Variants in CDC42BPA observed in about 807,000 individuals in gnomAD.
The protein encoded by CDC42BPA is serine/threonine-protein kinase MRCK alpha.
A neutral mutation model predicts 223.5 loss-of-function variants in CDC42BPA; 80 were observed. The ratio of observed to expected loss-of-function variants is 0.36; its 90% CI spans 0.30 to 0.43. The LOEUF (loss-of-function observed/expected upper bound fraction) is 0.43. Among genes scored for constraint, CDC42BPA ranks in the 20% least tolerant of loss-of-function variants. The pLI is 1.00. For synonymous variants in CDC42BPA, 694 were observed against 718.6 expected, an observed-to-expected ratio of 0.97 and a Z score of 0.55; for missense variants, 1,743 against 2,099.9, an observed-to-expected ratio of 0.83 and a Z score of 3.32.
intron 21 of CDC42BPA, among the ~76,000 whole-genome samples, chr1:227,058,429 C>T (rs1014950885): frequency 2.6e-5 from 4 of 152,148 alleles, no homozygotes; most frequent in African/African-American, 7.2e-5. Context: ...TCTAAGAATT[C>T]GGAATGTAAA....
chr1:227,299,661 G>T (rs796928414), intron 1 of CDC42BPA, among the ~76,000 whole-genome samples: 7 of 151,992 alleles, frequency 4.6e-5, no homozygotes, highest in Middle Eastern at 3.2e-3. Flanking sequence ...TTATGGCTTT[G>T]CTACTATTTT....
intron 34 of CDC42BPA, among the ~76,000 whole-genome samples, chr1:227,007,944 T>C (rs540924121): frequency 3.7e-4 from 56 of 152,206 alleles, no homozygotes; most frequent in Non-Finnish European, 5.9e-4. Context: ...GGGAACACTG[T>C]TGGTAGGCAC....
intron 20 of CDC42BPA, among the ~76,000 whole-genome samples, chr1:227,071,479 G>A (rs74140278): frequency 0.058 from 8,798 of 151,736 alleles, 841 homozygotes; most frequent in African/African-American, 0.2. Context: ...ATGTAATACA[G>A]CTATGAAGCA....
At chr1:227,201,651 A>G (rs758119008) in intron 3 of CDC42BPA, among the ~76,000 whole-genome samples, 3 of 145,638 alleles carry the variant, frequency 2.1e-5, no homozygotes, top group Non-Finnish European at 4.6e-5. Flanking sequence ...CTGTGTCTAT[A>G]TAAGCATGCA....
chr1:227,073,196 T>C (rs1678779680), intron 19 of CDC42BPA, among the ~76,000 whole-genome samples: 2 of 152,150 alleles, frequency 1.3e-5, no homozygotes, highest in Non-Finnish European at 2.9e-5. Flanking sequence ...ACTTGTGATG[T>C]GAAGTTTCTA....
chr1:227,314,927 T>C (rs764434806), intron 1 of CDC42BPA, among the ~76,000 whole-genome samples: 8 of 151,968 alleles, frequency 5.3e-5, no homozygotes, highest in African/African-American at 7.2e-5. Flanking sequence ...AATTCACAAT[T>C]TGGAAATATT....
intron 1 of CDC42BPA, among the ~76,000 whole-genome samples, chr1:227,312,476 T>A (rs1437780584): frequency 6.6e-6 from 1 of 152,246 alleles, no homozygotes; most frequent in Non-Finnish European, 1.5e-5. Context: ...ATGCCTTACA[T>A]TTCCATATAA....
At chr1:227,280,173 G>A (rs1045656069) in intron 1 of CDC42BPA, among the ~76,000 whole-genome samples, 1 of 152,204 alleles carries the variant, frequency 6.6e-6, no homozygotes, top group Non-Finnish European at 1.5e-5. Context: ...TCAAATGAAT[G>A]TGTTATTACA....
At chr1:227,059,535 G>T in intron 21 of CDC42BPA, 2 of 828,352 alleles carry the variant, frequency 2.4e-6, no homozygotes, top group Non-Finnish European at 1.9e-6. Context: ...GTTTTGGATA[G>T]GTTGAATGTA....
intron 11 of CDC42BPA, among the ~76,000 whole-genome samples, chr1:227,122,836 T>C (rs1190528331): frequency 6.6e-6 from 1 of 152,212 alleles, no homozygotes; most frequent in Non-Finnish European, 1.5e-5. Context: ...CTCTGAACTT[T>C]GGTCAAATAC....
At chr1:227,310,804 A>G (rs1693390215) in intron 1 of CDC42BPA, among the ~76,000 whole-genome samples, 1 of 150,522 alleles carries the variant, frequency 6.6e-6, no homozygotes, top group African/African-American at 2.5e-5. Context: ...CTCCCACCTC[A>G]GCCTCCTGAG....
chr1:227,099,092 T>C (rs1684519349), intron 15 of CDC42BPA, among the ~76,000 whole-genome samples: 2 of 152,296 alleles, frequency 1.3e-5, no homozygotes, highest in South Asian at 4.1e-4. Context: ...GATGTCAGTG[T>C]AAACAAACCT....
At chr1:227,277,819 G>C (rs761877223) in intron 1 of CDC42BPA, among the ~76,000 whole-genome samples, 5 of 152,026 alleles carry the variant, frequency 3.3e-5, no homozygotes, top group Non-Finnish European at 7.4e-5. Flanking sequence ...GCGCAATCTC[G>C]GCTCACTGCA....
At chr1:227,272,788 T>C (rs983813036) in intron 1 of CDC42BPA, among the ~76,000 whole-genome samples, 27 of 145,718 alleles carry the variant, frequency 1.9e-4, no homozygotes, top group African/African-American at 6.7e-4. Context: ...ACCAAGAGTA[T>C]AATGAACAGA....
At chr1:227,242,165 T>C (rs1371600055) in intron 2 of CDC42BPA, among the ~76,000 whole-genome samples, 1 of 152,112 alleles carries the variant, frequency 6.6e-6, no homozygotes, top group Non-Finnish European at 1.5e-5. Flanking sequence ...CCAAATATCA[T>C]AGTAAAATCA....
intron 1 of CDC42BPA, among the ~76,000 whole-genome samples, chr1:227,295,280 C>T (rs1690474143): frequency 6.6e-6 from 1 of 152,128 alleles, no homozygotes. Context: ...CCCACCTTAG[C>T]CTCCAGAGCA....
At chr1:227,154,497 T>C (rs1662366350) in intron 6 of CDC42BPA, among the ~76,000 whole-genome samples, 1 of 151,986 alleles carries the variant, frequency 6.6e-6, no homozygotes, top group Non-Finnish European at 1.5e-5. Context: ...TAAACTATTT[T>C]AAACCGATAA....
Position 227,275,259 on chromosome 1 carries a change from G to C in CDC42BPA, c.179-21104C>G. On this transcript the variant is annotated intron_variant, in intron 1 of 36. Coordinates refer to ENST00000366766, the MANE Select transcript of CDC42BPA (RefSeq NM_001394014.1). ...AAAATTAGAAAGCAGAGGGCATTTA[G>C]AATGGAATAATAATAAAAAGACAAC... 2.2e-5 allele frequency among the ~76,000 whole-genome samples: 2 copies of C among 89,566 alleles called. 1 individual carries two copies. 58.8% of individuals were successfully genotyped at this position (89,566 alleles called of 152,430 possible). A position where few individuals can be genotyped will look rare whatever the true frequency, so the allele number is the denominator to read the frequency against.
intron 9 of CDC42BPA, among the ~76,000 whole-genome samples, chr1:227,142,225 G>A (rs1571934034): frequency 2.0e-5 from 3 of 152,254 alleles, no homozygotes; most frequent in East Asian, 3.9e-4. Context: ...GAACTGAAAT[G>A]GCATACAAGG....
Sources: allele counts gnomAD v4.1 joint callset (sites outside exome capture counted in the v4.1 genomes callset), GRCh38; gene constraint gnomAD v4.1.1; transcripts MANE v1.5; gene names NCBI Gene and HGNC (gene_info 2026-07-23, HGNC 2026-07-21).